ATP2B2: variants seen among roughly 807,000 people sequenced by gnomAD.
The protein encoded by ATP2B2 is plasma membrane calcium-transporting ATPase 2.
ATP2B2 carries 15 observed loss-of-function variants against 120.0 expected under a neutral mutation model. The observed-to-expected ratio is 0.12, with a 90% CI of 0.08 to 0.19. The LOEUF is 0.19. Ranked by LOEUF, ATP2B2 falls within the 10% of genes least tolerant of loss-of-function variation. The pLI, the probability that ATP2B2 is intolerant of heterozygous loss-of-function variation, is 1.00. For missense variants in ATP2B2, 1,045 were observed against 1,719.8 expected, an observed-to-expected ratio of 0.61 and a Z score of 6.94; for synonymous variants, 694 against 700.3, an observed-to-expected ratio of 0.99 and a Z score of 0.14.
chr3:10,677,902 T>G (rs2125699239), intron 1 of ATP2B2, among the ~76,000 whole-genome samples: 1 of 152,350 alleles, frequency 6.6e-6, no homozygotes, highest in East Asian at 1.9e-4. Flanking sequence ...CTGCTCTAAG[T>G]ACTTCTCTTG....
At chr3:10,592,427 C>T (rs1002034646) in intron 2 of ATP2B2, among the ~76,000 whole-genome samples, 2 of 152,260 alleles carry the variant, frequency 1.3e-5, no homozygotes, top group Non-Finnish European at 2.9e-5. Context: ...GGCCCTTCCT[C>T]TCTGCCCCAC....
intron 1 of ATP2B2, among the ~76,000 whole-genome samples, chr3:10,634,717 A>G (rs571374706): frequency 1.8e-4 from 27 of 152,314 alleles, no homozygotes; most frequent in Non-Finnish European, 3.1e-4. Flanking sequence ...TCTCCACAGA[A>G]GAGTGCATGA....
intron 6 of ATP2B2, 181 bp downstream of exon 6, chr3:10,388,096 G>A (rs1381265562): frequency 1.2e-6 from 1 of 812,754 alleles, no homozygotes; most frequent in Non-Finnish European, 2.0e-6. Context: ...ACAAGACCTG[G>A]AGATGGAACA....
At chr3:10,456,911 G>C (rs2064283664) in intron 1 of ATP2B2, among the ~76,000 whole-genome samples, 1 of 152,248 alleles carries the variant, frequency 6.6e-6, no homozygotes, top group African/African-American at 2.4e-5. Flanking sequence ...CAAGGAAACA[G>C]GTGAACTCAG....
chr3:10,388,124 C>T (rs2061735631), intron 6 of ATP2B2, 153 bp downstream of exon 6: 5 of 1,100,582 alleles, frequency 4.5e-6, no homozygotes, highest in Non-Finnish European at 6.9e-6. Context: ...CCTACCTGGC[C>T]CATGCAGGCC....
At chr3:10,703,989 T>C (rs1178127437) in intron 1 of ATP2B2, among the ~76,000 whole-genome samples, 1 of 152,156 alleles carries the variant, frequency 6.6e-6, no homozygotes, top group African/African-American at 2.4e-5. Context: ...ACCCCGAGCC[T>C]GCTTACCCTG....
At position 10,346,289 on chromosome 3, in the gene ATP2B2, G is replaced by C. The variant is rs2060429948; in HGVS notation, c.2405-152C>G. The C allele has an allele frequency of 1.3e-6, 1 of 799,750 alleles. No homozygotes were observed. Among genetic ancestry groups the C allele is most frequent in the East Asian group, 2.7e-5 (1 of 37,262 alleles). The allele number at this position is 799,750 out of a possible 1,614,324, so 49.5% of individuals were successfully genotyped here. On this transcript the variant is annotated intron_variant, in intron 16 of 22. Transcript: ENST00000360273. This position sits in a 1 kb window ranked among gnomAD's most constrained non-coding sequence, Gnocchi z 4.1. ...TCCATCCAGGCTCTTCCCAGCTCCA[G>C]GCTGGCCTATAGCTGCCAGCAGGTT... is the stretch of plus-strand genomic sequence containing the variant.
chr3:10,500,842 C>T (rs541241615), intron 1 of ATP2B2, among the ~76,000 whole-genome samples: 1 of 152,358 alleles, frequency 6.6e-6, no homozygotes, highest in South Asian at 2.1e-4. Flanking sequence ...CCTGCAGTTG[C>T]TCTCCTTGCT....
chr3:10,573,070 G>A (rs542995197), intron 2 of ATP2B2, among the ~76,000 whole-genome samples: 3 of 152,058 alleles, frequency 2.0e-5, no homozygotes, highest in East Asian at 1.9e-4. Flanking sequence ...ATTTCTGCCC[G>A]CAGGTTCCTT....
chr3:10,433,623 T>A (rs1182804135), intron 2 of ATP2B2, among the ~76,000 whole-genome samples: 2 of 152,172 alleles, frequency 1.3e-5, no homozygotes, highest in African/African-American at 4.8e-5. Flanking sequence ...GACGAAACCA[T>A]GAAGGTTATA....
chr3:10,627,601 G>A (rs1021734400), intron 1 of ATP2B2, among the ~76,000 whole-genome samples: 1 of 152,096 alleles, frequency 6.6e-6, no homozygotes, highest in Non-Finnish European at 1.5e-5. Flanking sequence ...TCTCCCCCTC[G>A]CTGGATCCTT....
chr3:10,679,892 G>A (rs1240825141), intron 1 of ATP2B2, among the ~76,000 whole-genome samples: 1 of 152,176 alleles, frequency 6.6e-6, no homozygotes, highest in African/African-American at 2.4e-5. Context: ...AAATAAGAGA[G>A]CAGGAGGGTT....
intron 2 of ATP2B2, among the ~76,000 whole-genome samples, chr3:10,415,108 T>C (rs1328888038): frequency 6.6e-6 from 1 of 152,160 alleles, no homozygotes; most frequent in Non-Finnish European, 1.5e-5. Flanking sequence ...TGAACTTGGA[T>C]GGCCTGCGTT....
At chr3:10,452,721 G>A (rs1019968229) in intron 1 of ATP2B2, among the ~76,000 whole-genome samples, 4 of 152,142 alleles carry the variant, frequency 2.6e-5, no homozygotes, top group African/African-American at 9.7e-5. Flanking sequence ...AGGGGTGAGC[G>A]CTGGGGAGGT....
chr3:10,436,769 C>A (rs183315293), intron 2 of ATP2B2, among the ~76,000 whole-genome samples: 1 of 152,140 alleles, frequency 6.6e-6, no homozygotes, highest in Non-Finnish European at 1.5e-5. Context: ...CTTAGTGGAG[C>A]GACATCGGCA....
chr3:10,679,610 C>G (rs1171674291), intron 1 of ATP2B2, among the ~76,000 whole-genome samples: 1 of 152,144 alleles, frequency 6.6e-6, no homozygotes, highest in Non-Finnish European at 1.5e-5. Flanking sequence ...CCCATTTGCA[C>G]AGGGAGATGT....
intron 1 of ATP2B2, among the ~76,000 whole-genome samples, chr3:10,672,899 T>C (rs2071135868): frequency 6.6e-6 from 1 of 152,036 alleles, no homozygotes; most frequent in African/African-American, 2.4e-5. Flanking sequence ...TCCCTAGGGG[T>C]CTCAGCCAGT....
intron 3 of ATP2B2, among the ~76,000 whole-genome samples, chr3:10,521,087 G>A (rs1263384305): frequency 6.6e-6 from 1 of 152,220 alleles, no homozygotes; most frequent in Non-Finnish European, 1.5e-5. Flanking sequence ...GCCAGACATT[G>A]GACAAGGTTT....
At chr3:10,527,993 C>T (rs2125467982) in intron 3 of ATP2B2, among the ~76,000 whole-genome samples, 1 of 152,262 alleles carries the variant, frequency 6.6e-6, no homozygotes, top group East Asian at 1.9e-4. Context: ...GGGCTGGCCA[C>T]TAAGGTCTGT....
Sources: gnomAD v4.1 joint callset for allele counts (sites outside exome capture counted in the v4.1 genomes callset) on GRCh38, gnomAD v4.1.1 for gene constraint, Gnocchi (gnomAD v3.1) non-coding constraint, MANE v1.5 for transcripts, NCBI Gene and HGNC (gene_info 2026-07-23, HGNC 2026-07-21) for gene names.